SAA2: variants seen among roughly 807,000 people sequenced by gnomAD.
SAA2 encodes serum amyloid A2.
A neutral mutation model predicts 9.1 loss-of-function variants in SAA2; 5 were observed. The observed-to-expected ratio is 0.55, with a 90% CI of 0.29 to 1.16. SAA2 has a LOEUF of 1.16. Among genes scored for constraint, SAA2 ranks in the 50% most tolerant of loss-of-function variants. SAA2 has a pLI of 0.09. For missense variants in SAA2, 94 were observed against 153.8 expected (o/e 0.61, Z 2.06); for synonymous variants, 49 against 59.8 (o/e 0.82, Z 0.83).
At chr11:18,247,074 C>T (rs1248706743) in intron 2 of SAA2, among the ~76,000 whole-genome samples, 1 of 152,268 alleles carries the variant, frequency 6.6e-6, no homozygotes, top group Non-Finnish European at 1.5e-5. Flanking sequence ...GCAGTAAGTC[C>T]CTGGGCATTG....
At chr11:18,242,590 A>G, downstream of SAA2, 1 of 552,696 alleles carries the variant, frequency 1.8e-6, no homozygotes, top group South Asian at 2.3e-5. Context: ...TCATGCCTGT[A>G]ATCCCAGCAC....
At chr11:18,241,290 T>C (rs1184423234), downstream of SAA2, among the ~76,000 whole-genome samples, 1 of 152,202 alleles carries the variant, frequency 6.6e-6, no homozygotes, top group Non-Finnish European at 1.5e-5. Context: ...CTCATGGGAA[T>C]GTCAATTAGT....
chr11:18,242,612 G>T (rs138986452), downstream of SAA2: 828 of 567,404 alleles, frequency 1.5e-3, 7 homozygotes, highest in African/African-American at 0.014. Context: ...TTGGGAGGCT[G>T]AGGCAGGCAG....
intron 1 of SAA2, 133 bp from the exon 2 acceptor site, chr11:18,248,148 TGCA>T (rs1857659778): frequency 1.1e-6 from 1 of 949,230 alleles, no homozygotes; most frequent in Admixed American, 2.6e-5. Context: ...TAGGAAACCT[TGCA>T]GCAGGACCTC....
exon 4 of SAA2, chr11:18,239,788 A>C (rs895642869): frequency 2.4e-6 from 2 of 833,996 alleles, no homozygotes; most frequent in Non-Finnish European, 3.5e-6. Flanking sequence ...ACCTCTCTTC[A>C]GTCTCCATCC....
exon 4 of SAA2, chr11:18,239,904 T>G: frequency 1.3e-6 from 2 of 1,541,802 alleles, no homozygotes; most frequent in Non-Finnish European, 1.7e-6. Flanking sequence ...GATCAATGCC[T>G]GGGTCATGTA....
downstream of SAA2, chr11:18,242,809 G>T (rs1406222774): frequency 1.4e-6 from 1 of 701,840 alleles, no homozygotes. Context: ...ATCATGCCAT[G>T]GCACTTCAGC....
chr11:18,238,432 CTCAATT>C (rs1255042337), downstream of SAA2, among the ~76,000 whole-genome samples: 1 of 151,994 alleles, frequency 6.6e-6, no homozygotes, highest in Non-Finnish European at 1.5e-5. Context: ...TAGTTGTCTT[CTCAATT>C]TCATAGTATT....
intron 3 of SAA2, chr11:18,240,093 T>C: frequency 7.5e-7 from 1 of 1,341,530 alleles, no homozygotes; most frequent in Non-Finnish European, 1.0e-6. Context: ...ATACTATTCT[T>C]CATAGGGGAG....
downstream of SAA2, among the ~76,000 whole-genome samples, chr11:18,238,814 TCCC>T (rs1857266192): frequency 9.1e-6 from 1 of 109,468 alleles, no homozygotes; most frequent in Admixed American, 1.0e-4. Flanking sequence ...ACTCCCCCCC[TCCC>T]CACTACCCTT....
downstream of SAA2, among the ~76,000 whole-genome samples, chr11:18,241,595 A>T (rs1428610709): frequency 6.6e-6 from 1 of 152,202 alleles, no homozygotes; most frequent in Non-Finnish European, 1.5e-5. Flanking sequence ...ATGAAATCGT[A>T]TCTTTTGCTG....
exon 4 of SAA2, chr11:18,239,883 T>A (rs143364408): frequency 3.3e-6 from 5 of 1,528,382 alleles, no homozygotes; most frequent in Middle Eastern, 1.7e-4. Context: ...ACACTGAATC[T>A]TCATTGCCTG....
chr11:18,239,956 C>G lies in SAA2; in HGVS notation c.244G>C (p.Glu82Gln), dbSNP rs1250534923. ...GCTTCTTCCTTCACTCTCTACAGTTCAGCTGAAAATAAACTGACAAAGGCA... is the reference window on the plus strand; with the variant it reads ...GCTTCTTCCTTCACTCTCTACAGTTGAGCTGAAAATAAACTGACAAAGGCA... Residue 82 changes from glutamate to glutamine, a missense_variant, in exon 4 of 4, where the codon GAA becomes CAA. Coordinates refer to the SAA2 transcript ENST00000414546. 6 of 1,550,848 alleles carry G rather than the reference C, an allele frequency of 3.9e-6. No homozygotes were observed. The East Asian group carries it at 1.5e-4, about 38-fold the overall frequency.
downstream of SAA2, among the ~76,000 whole-genome samples, chr11:18,243,952 T>C (rs1051468138): frequency 2.0e-5 from 3 of 152,322 alleles, no homozygotes; most frequent in Middle Eastern, 6.8e-3. Flanking sequence ...TAGAGGGCGC[T>C]AGAGGGCCAA....
chr11:18,240,370 AG>A (rs1192185674), downstream of SAA2: 3 of 696,590 alleles, frequency 4.3e-6, no homozygotes, highest in African/African-American at 5.3e-5. Context: ...AGATAAAAGA[AG>A]AGCAGAGAAT....
downstream of SAA2, among the ~76,000 whole-genome samples, chr11:18,241,185 T>C (rs1408842154): frequency 6.6e-6 from 1 of 152,120 alleles, no homozygotes; most frequent in Non-Finnish European, 1.5e-5. Context: ...CACAATGAGA[T>C]ACCATCTCAC....
Position 18,245,334 on chromosome 11 carries a change from G to A in SAA2, c.*43C>T. Reference sequence around the variant, plus strand: ...ACTAACTTTGTATCCCTGCCCCGAGGGCCTCATAGCCAGGTCTCCTGAGAG... The same window carrying A: ...ACTAACTTTGTATCCCTGCCCCGAGAGCCTCATAGCCAGGTCTCCTGAGAG... On this transcript the variant is annotated 3_prime_UTR_variant, in exon 4 of 4. Transcript: ENST00000256733. 6.2e-7 allele frequency: 1 copy of A among 1,611,612 alleles called. No homozygotes were observed. The highest frequency in any genetic ancestry group is 8.5e-7 in the Non-Finnish European group (1 of 1,178,522).
downstream of SAA2, among the ~76,000 whole-genome samples, chr11:18,243,507 T>G (rs1857409536): frequency 6.6e-6 from 1 of 152,214 alleles, no homozygotes; most frequent in African/African-American, 2.4e-5. Context: ...AACAGTGCAT[T>G]GAGTCTGCTC....
downstream of SAA2, among the ~76,000 whole-genome samples, chr11:18,244,907 G>A (rs561865754): frequency 2.6e-5 from 4 of 152,192 alleles, no homozygotes; most frequent in East Asian, 1.9e-4. Context: ...CAATTCAATT[G>A]TCTGTAGCCC....
Sources: gnomAD v4.1 joint callset for allele counts (sites outside exome capture counted in the v4.1 genomes callset) on GRCh38, gnomAD v4.1.1 for gene constraint, MANE v1.5 for transcripts, NCBI Gene and HGNC (gene_info 2026-07-23, HGNC 2026-07-21) for gene names.